The following USP25 variants were observed in gnomAD, a reference collection of about 807,000 sequenced individuals.
USP25 encodes the protein ubiquitin carboxyl-terminal hydrolase 25.
In USP25, 85 loss-of-function variants were observed where a neutral mutation model predicts 158.5. The ratio of observed to expected loss-of-function variants is 0.54; its 90% CI spans 0.45 to 0.64. USP25 has a LOEUF of 0.64. Ranked by LOEUF, USP25 falls within the 30% of genes least tolerant of loss-of-function variation. The pLI is 0.00. For synonymous variants in USP25, 464 were observed against 460.4 expected (o/e 1.01, Z -0.10); for missense variants, 1,242 against 1,327.3 (o/e 0.94, Z 1.00).
intron 1 of USP25, among the ~76,000 whole-genome samples, chr21:15,756,686 T>C (rs1002222069): frequency 2.0e-5 from 3 of 152,184 alleles, no homozygotes; most frequent in Non-Finnish European, 4.4e-5. Flanking sequence ...TTGCACATAG[T>C]AGACACTTAA....
chr21:15,828,917 G>A (rs1182277879), intron 14 of USP25, among the ~76,000 whole-genome samples: 2 of 152,150 alleles, frequency 1.3e-5, no homozygotes, highest in Non-Finnish European at 2.9e-5. Flanking sequence ...GATTACAGGC[G>A]TGAGCCACCA....
intron 1 of USP25, among the ~76,000 whole-genome samples, chr21:15,730,946 T>C (rs1252263315): frequency 6.6e-6 from 1 of 151,010 alleles, no homozygotes; most frequent in Non-Finnish European, 1.5e-5. Flanking sequence ...CTTTTCCTTT[T>C]AAGGTTTCCC....
At position 15,730,297 on chromosome 21, in the gene USP25, C is replaced by G. The variant is rs1317196327; in HGVS notation, c.-97C>G. 2.0e-6 allele frequency: 2 copies of G among 1,003,158 alleles called. No homozygotes were observed. The highest frequency in any genetic ancestry group is 1.2e-4 in the Admixed American group (2 of 16,712). The allele number at this position is 1,003,158 out of a possible 1,614,324, so 62.1% of individuals were successfully genotyped here. ...CGCTGTCCTCCCAGGCCGTCCGCGC[C>G]GCTCCCTGGAGCTCGGCGGAGCGCG... is the stretch of plus-strand genomic sequence containing the variant. On this transcript the variant is annotated 5_prime_UTR_variant, in exon 1 of 26. Transcript: ENST00000400183.
intron 5 of USP25, among the ~76,000 whole-genome samples, chr21:15,798,953 TTA>T (rs2035996274): frequency 6.6e-6 from 1 of 151,286 alleles, no homozygotes. Flanking sequence ...TTTTCAAACT[TTA>T]TAAACTGTGA....
intron 6 of USP25, among the ~76,000 whole-genome samples, chr21:15,800,458 C>T (rs2036075725): frequency 6.7e-6 from 1 of 149,512 alleles, no homozygotes; most frequent in African/African-American, 2.5e-5. Flanking sequence ...TGAGGTAAAA[C>T]ATGTAAGGGG....
chr21:15,838,109 G>A (rs1689230098), intron 17 of USP25, among the ~76,000 whole-genome samples: 1 of 151,730 alleles, frequency 6.6e-6, no homozygotes, highest in African/African-American at 2.4e-5. Context: ...TTGTATTTTA[G>A]TAGAGACAAG....
chr21:15,847,614 C>T, intron 18 of USP25, 49 bp from the exon 19 acceptor site: 1 of 1,297,854 alleles, frequency 7.7e-7, no homozygotes, highest in Non-Finnish European at 1.1e-6. Context: ...TGCCATTGTT[C>T]TCCACTGTTC....
chr21:15,849,874 T>C lies in USP25; in HGVS notation c.2547+2T>C. ...GGCCCTGAAGCAGGGTTCTTTAAGG[T>C]ACAATGAACATTTTCATTTTCGTGT... is the stretch of plus-strand genomic sequence containing the variant. On this transcript the variant is annotated splice_donor_variant, in intron 20 of 25. Transcript: ENST00000400183. LOFTEE classifies it high-confidence loss of function. The C allele has an allele frequency of 6.7e-7, 1 of 1,483,238 alleles. No individual in the cohort carries two copies. Among genetic ancestry groups the C allele is most frequent in the Non-Finnish European group, 9.0e-7 (1 of 1,115,936 alleles). 91.9% of individuals were successfully genotyped at this position (1,483,238 alleles called of 1,614,324 possible).
chr21:15,735,823 A>C (rs2031437944), intron 1 of USP25, among the ~76,000 whole-genome samples: 1 of 152,164 alleles, frequency 6.6e-6, no homozygotes, highest in African/African-American at 2.4e-5. Context: ...AGCAAATTTT[A>C]GGTAAAGTTT....
At chr21:15,869,616 G>A (rs1008937507) in intron 22 of USP25, among the ~76,000 whole-genome samples, 1 of 151,974 alleles carries the variant, frequency 6.6e-6, no homozygotes, top group Non-Finnish European at 1.5e-5. Flanking sequence ...GAAGTTAAAA[G>A]GTTAAATAAA....
chr21:15,780,379 A>G (rs1479710788), intron 4 of USP25, among the ~76,000 whole-genome samples: 1 of 152,106 alleles, frequency 6.6e-6, no homozygotes, highest in Non-Finnish European at 1.5e-5. Flanking sequence ...AATTGGGTGT[A>G]TTTATTATCT....
At chr21:15,836,012 T>G (rs1170777813) in intron 17 of USP25, among the ~76,000 whole-genome samples, 1 of 152,198 alleles carries the variant, frequency 6.6e-6, no homozygotes, top group African/African-American at 2.4e-5. Context: ...GTCCATGCCA[T>G]CCTCTTCTGA....
At chr21:15,754,263 C>A (rs1161727036) in intron 1 of USP25, among the ~76,000 whole-genome samples, 6 of 152,242 alleles carry the variant, frequency 3.9e-5, no homozygotes, top group Middle Eastern at 6.8e-3. Flanking sequence ...GTTAGTGCCT[C>A]TTTTCTGTGG....
At position 15,791,759 on chromosome 21, in the gene USP25, T is replaced by C; in HGVS notation, c.555+95T>C. On this transcript the variant is annotated intron_variant, in intron 5 of 25. Transcript: ENST00000400183. ...TTAAGTTGTGTACTTTAAAGATAAG[T>C]ACAGATAAGTTTTTAATATACTATT... 7 of 1,325,408 alleles carry C rather than the reference T, an allele frequency of 5.3e-6. No homozygotes were observed. The South Asian group carries it at 1.2e-4, about 23-fold the overall frequency. 82.1% of individuals were successfully genotyped at this position (1,325,408 alleles called of 1,614,324 possible).
chr21:15,819,804 T>G (rs1376597238), intron 10 of USP25, among the ~76,000 whole-genome samples: 1 of 152,084 alleles, frequency 6.6e-6, no homozygotes. Flanking sequence ...TTTTTTTTTC[T>G]TAAAGATGCA....
intron 1 of USP25, among the ~76,000 whole-genome samples, chr21:15,755,644 T>C (rs2033324300): frequency 6.6e-6 from 1 of 151,974 alleles, no homozygotes; most frequent in Non-Finnish European, 1.5e-5. Flanking sequence ...TAAATGAGAG[T>C]ATATATTGGA....
In USP25 at chr21:15,878,427, T is replaced by G. The variant is rs1601212426; in HGVS notation, c.3330T>G (p.Phe1110Leu). The change falls in exon 26 of 26, where the codon TTT becomes TTG. Residue 1110 changes from phenylalanine (F) to leucine (L), a missense_variant. Physicochemically the swap from Phe to Leu is conservative, Grantham distance 22 (BLOSUM62 0). Coordinates refer to ENST00000400183, the MANE Select transcript of USP25 (RefSeq NM_001283041.3). ...SYSTHELCER[F>L]ARIMLSLSRT... ...CCACGCATGAACTCTGTGAGCGATT[T>G]GCCCGAATCATGTTGTCCCTCAGTC... 2 of 1,614,100 alleles carry G rather than the reference T, an allele frequency of 1.2e-6. No individual in the cohort carries two copies. The highest frequency in any genetic ancestry group is 1.7e-6 in the Non-Finnish European group (2 of 1,179,946).
At position 15,776,675 on chromosome 21, in the gene USP25, T is replaced by C. The variant is rs573106199; in HGVS notation, c.269-1229T>C. Among the ~76,000 whole-genome samples the C allele has an allele frequency of 2.4e-3, 366 of 151,946 alleles. 1 individual carries two copies. The highest frequency in any genetic ancestry group is 3.9e-3 in the Admixed American group (60 of 15,268). Reference sequence around the variant, plus strand: ...TGGGCAAGACGCAAAACCTTGTATCTACAAAAAATTAAAAAGAAAATTAGC... The same window carrying C: ...TGGGCAAGACGCAAAACCTTGTATCCACAAAAAATTAAAAAGAAAATTAGC... On this transcript the variant is annotated intron_variant, in intron 3 of 25. Transcript: ENST00000400183.
At chr21:15,795,252 G>T (rs2035804577) in intron 5 of USP25, among the ~76,000 whole-genome samples, 1 of 151,484 alleles carries the variant, frequency 6.6e-6, no homozygotes, top group Non-Finnish European at 1.5e-5. Context: ...TAGGTAGTCA[G>T]TATTTTCATT....
Sources: allele counts gnomAD v4.1 joint callset (sites outside exome capture counted in the v4.1 genomes callset), GRCh38; gene constraint gnomAD v4.1.1; transcripts MANE v1.5; gene names NCBI Gene and HGNC (gene_info 2026-07-23, HGNC 2026-07-21).